Variants in ODR4 observed in about 807,000 individuals in gnomAD.
ODR4 encodes odr-4 GPCR localization factor homolog.
In ODR4, 47 loss-of-function variants were observed where a neutral mutation model predicts 60.2. The ratio of observed to expected loss-of-function variants is 0.78; its 90% CI spans 0.62 to 1.00. ODR4 has a LOEUF of 1.00. ODR4 is among the 50% of genes least tolerant of loss of function. The pLI is 0.00. For missense variants in ODR4, 488 were observed against 530.8 expected, an observed-to-expected ratio of 0.92 and a Z score of 0.79; for synonymous variants, 178 against 175.5, an observed-to-expected ratio of 1.01 and a Z score of -0.11.
intron 2 of ODR4, among the ~76,000 whole-genome samples, chr1:186,380,575 C>CA (rs76089299): frequency 0.49 from 63,634 of 129,584 alleles, 14,760 homozygotes; most frequent in Non-Finnish European, 0.53. Flanking sequence ...AGTACAAAGC[C>CA]AAAAAAAAAA....
chr1:186,396,652 T>C (rs973900806), intron 9 of ODR4, among the ~76,000 whole-genome samples: 1 of 151,430 alleles, frequency 6.6e-6, no homozygotes, highest in East Asian at 1.9e-4. Flanking sequence ...AAAAAATACC[T>C]CTTTTCTTTA....
intron 11 of ODR4, 108 bp downstream of exon 11, chr1:186,399,152 C>A: frequency 2.6e-6 from 2 of 760,254 alleles, no homozygotes; most frequent in Non-Finnish European, 2.3e-6. Context: ...TCTATATTTT[C>A]AAGCAGTATA....
At position 186,406,120 on chromosome 1, in the gene ODR4, C is replaced by G; in HGVS notation, c.1038C>G (p.Val346=). Reference sequence around the variant, plus strand: ...AGTTCCACGTCCTCCCTTATCGAGTCTTTGTTCCCCTTCCTGGATCCACTG... The same window carrying G: ...AGTTCCACGTCCTCCCTTATCGAGTGTTTGTTCCCCTTCCTGGATCCACTG... The part of the protein sequence containing the change: ...EKEFHVLPYR[V]FVPLPGSTVM... The change falls in exon 12 of 14, where the codon GTC becomes GTG. Residue 346 remains valine, a synonymous_variant. Transcript: ENST00000287859. The G allele has an allele frequency of 6.3e-7, 1 of 1,599,994 alleles. No homozygotes were observed. The highest frequency in any genetic ancestry group is 8.5e-7 in the Non-Finnish European group (1 of 1,174,038).
rs1352118299 is a variant in ODR4 at position 186,419,872 on chromosome 1, C to T, written c.*796C>T. ...GGAGCTTTCTAATGTGCACTCAGTTCCTGTATACTGTGTGTTTTGTTCTGA... is the reference window on the plus strand; with the variant it reads ...GGAGCTTTCTAATGTGCACTCAGTTTCTGTATACTGTGTGTTTTGTTCTGA... On this transcript the variant is annotated 3_prime_UTR_variant, in exon 14 of 14. Transcript: ENST00000287859. The T allele has an allele frequency of 6.6e-6, 1 of 152,150 alleles. No individual in the cohort carries two copies. Among genetic ancestry groups the T allele is most frequent in the East Asian group, 1.9e-4 (1 of 5,190 alleles). 9.4% of individuals were successfully genotyped at this position (152,150 alleles called of 1,614,324 possible). A position where few individuals can be genotyped will look rare whatever the true frequency, so the allele number is the denominator to read the frequency against.
chr1:186,415,436 A>G (rs183202108), intron 12 of ODR4, among the ~76,000 whole-genome samples: 2 of 152,194 alleles, frequency 1.3e-5, no homozygotes, highest in African/African-American at 4.8e-5. Context: ...AATATTTACT[A>G]TCTCTCTTGA....
chr1:186,410,782 A>G (rs1244012688), intron 12 of ODR4, among the ~76,000 whole-genome samples: 4 of 152,176 alleles, frequency 2.6e-5, no homozygotes, highest in Admixed American at 6.5e-5. Flanking sequence ...TTGGGAGGCC[A>G]AGGCGGGTGG....
chr1:186,408,717 T>A (rs1262702672), intron 12 of ODR4, among the ~76,000 whole-genome samples: 1 of 151,090 alleles, frequency 6.6e-6, no homozygotes, highest in Non-Finnish European at 1.5e-5. Context: ...TGTTTATATA[T>A]AATTTTTTGA....
intron 6 of ODR4, 37 bp from the exon 7 acceptor site, chr1:186,390,674 T>C (rs1660434748): frequency 1.2e-6 from 2 of 1,604,676 alleles, no homozygotes; most frequent in Non-Finnish European, 1.7e-6. Context: ...TTATCTAGAC[T>C]ACATCATAGT....
downstream of ODR4, among the ~76,000 whole-genome samples, chr1:186,422,772 CTAAA>C (rs1661815733): frequency 1.3e-5 from 2 of 151,886 alleles, no homozygotes; most frequent in Non-Finnish European, 2.9e-5. Flanking sequence ...AGGGAAAAGA[CTAAA>C]TGTGCAACTT....
rs1336273465 is a variant in ODR4 at position 186,390,856 on chromosome 1, C to G, written c.615+5C>G. The G allele has an allele frequency of 6.2e-7, 1 of 1,608,418 alleles. No individual in the cohort carries two copies. The highest frequency in any genetic ancestry group is 1.7e-5 in the Admixed American group (1 of 59,284). On this transcript the variant is annotated splice_donor_5th_base_variant and intron_variant, in intron 7 of 13. Transcript: ENST00000287859. ...ACTCTGGAGAAAAATACAAAGGTAC[C>G]AGGGTAAAATGAATTTTCTTCAGTG...
chr1:186,405,041 CAGA>C lies in ODR4; in HGVS notation c.1001-1037_1001-1035del, dbSNP rs377525300. Among the ~76,000 whole-genome samples, 58 of 152,048 alleles carry C rather than the reference CAGA, an allele frequency of 3.8e-4. 1 individual carries two copies. In the South Asian group the frequency reaches 0.012, roughly 31 times the overall value. Reference sequence around the variant, plus strand: ...ATATATTCCAGTTTGTAAGTATTCACAGAAGAATGAGATATTTGTTATTTATTT... The same window carrying C: ...ATATATTCCAGTTTGTAAGTATTCACAGAATGAGATATTTGTTATTTATTT... On this transcript the variant is annotated intron_variant, in intron 11 of 13. Transcript: ENST00000287859.
At chr1:186,421,989 TAGAA>T (rs1273481065), downstream of ODR4, among the ~76,000 whole-genome samples, 4 of 151,618 alleles carry the variant, frequency 2.6e-5, no homozygotes, top group Admixed American at 1.3e-4. Flanking sequence ...GGGGTGAAGT[TAGAA>T]AGTAAGATAA....
intron 4 of ODR4, 47 bp downstream of exon 4, chr1:186,386,130 A>G (rs768075056): frequency 9.5e-7 from 1 of 1,056,668 alleles, no homozygotes; most frequent in Non-Finnish European, 1.4e-6. Flanking sequence ...GTTATATGTT[A>G]TTTTTACTGA....
intron 3 of ODR4, 24 bp downstream of exon 3, chr1:186,383,180 T>TG: frequency 6.5e-7 from 1 of 1,537,830 alleles, no homozygotes; most frequent in Non-Finnish European, 8.7e-7. Context: ...TTTGTTTATA[T>TG]GTTTAAGTTT....
chr1:186,385,676 G>A (rs538175207), intron 3 of ODR4, among the ~76,000 whole-genome samples: 1 of 152,046 alleles, frequency 6.6e-6, no homozygotes, highest in South Asian at 2.1e-4. Context: ...AATTACTTGA[G>A]GAAAAGTAGT....
chr1:186,402,735 A>C (rs1367730663), intron 11 of ODR4, among the ~76,000 whole-genome samples: 1 of 149,484 alleles, frequency 6.7e-6, no homozygotes, highest in Non-Finnish European at 1.5e-5. Flanking sequence ...CTACAAGCGC[A>C]CAGCAGTATG....
chr1:186,400,841 C>G lies in ODR4; in HGVS notation c.1000+1797C>G, dbSNP rs115594908. The G allele has an allele frequency of 7.3e-3, 3,115 of 424,744 alleles. 17 individuals are homozygous for G. Among genetic ancestry groups the G allele is most frequent in the Non-Finnish European group, 9.7e-3 (2,313 of 237,748 alleles). The allele number at this position is 424,744 out of a possible 1,614,324, so 26.3% of individuals were successfully genotyped here. A position where few individuals can be genotyped will look rare whatever the true frequency, so the allele number is the denominator to read the frequency against. Reference sequence around the variant, plus strand: ...GGAACATGAATTTGAATCTTACATGCAACAATTGGATTGAGAGTTTTGGGA... The same window carrying G: ...GGAACATGAATTTGAATCTTACATGGAACAATTGGATTGAGAGTTTTGGGA... On this transcript the variant is annotated intron_variant, in intron 11 of 13. Transcript: ENST00000287859.
At chr1:186,427,329 C>G in the ODR4 span, among the ~76,000 whole-genome samples, 4 of 152,146 alleles carry the variant, frequency 2.6e-5, no homozygotes, top group South Asian at 8.3e-4. Context: ...ATTCTGAATC[C>G]TTTGTTGTCA....
At chr1:186,383,995 C>T (rs183055560) in intron 3 of ODR4, among the ~76,000 whole-genome samples, 29 of 152,290 alleles carry the variant, frequency 1.9e-4, no homozygotes, top group African/African-American at 6.3e-4. Context: ...GCCAAGATCA[C>T]ACCATTGCAC....
Sources: allele counts gnomAD v4.1 joint callset (sites outside exome capture counted in the v4.1 genomes callset), GRCh38; gene constraint gnomAD v4.1.1; transcripts MANE v1.5; gene names NCBI Gene and HGNC (gene_info 2026-07-23, HGNC 2026-07-21).